Variants in ALDH4A1 observed in about 807,000 individuals in gnomAD.
ALDH4A1 encodes delta-1-pyrroline-5-carboxylate dehydrogenase, mitochondrial.
A neutral mutation model predicts 70.5 loss-of-function variants in ALDH4A1; 46 were observed. That is an observed-to-expected ratio of 0.65 (90% CI 0.51 to 0.83). ALDH4A1 has a LOEUF of 0.83. ALDH4A1 is among the 40% of genes least tolerant of loss of function. ALDH4A1 has a pLI of 0.00. For synonymous variants in ALDH4A1, 323 were observed against 324.3 expected, an observed-to-expected ratio of 1.00 and a Z score of 0.04; for missense variants, 749 against 766.5, an observed-to-expected ratio of 0.98 and a Z score of 0.27.
At chr1:18,893,804 G>A (rs985128776) in intron 1 of ALDH4A1, among the ~76,000 whole-genome samples, 22 of 152,066 alleles carry the variant, frequency 1.4e-4, no homozygotes, top group Admixed American at 4.6e-4. Flanking sequence ...GTGCCCAGCC[G>A]GTAGCTTATA....
chr1:18,877,370 C>T (rs1026927682), intron 10 of ALDH4A1, 46 bp downstream of exon 10: 17 of 1,552,868 alleles, frequency 1.1e-5, no homozygotes, highest in Admixed American at 1.9e-5. Flanking sequence ...GACCCAATCC[C>T]ATCAGCCCCC....
chr1:18,877,579 C>T lies in ALDH4A1; in HGVS notation c.974G>A (p.Arg325His), dbSNP rs1272594909. The change falls in exon 10 of 15, where the codon CGC becomes CAC. Residue 325 changes from arginine (R) to histidine (H), a missense_variant. Coordinates refer to ENST00000375341, the MANE Select transcript of ALDH4A1 (RefSeq NM_003748.4). ...CGGKNFHFVH[R>H]SADVESVVSG... ...CACCACGCTCTCCACGTCGGCCGAG[C>T]GGTGCACGAAGTGGAAGTTCTTTCC... 19 of 1,610,788 alleles carry T rather than the reference C, an allele frequency of 1.2e-5. No homozygotes were observed. Among genetic ancestry groups the T allele is most frequent in the Non-Finnish European group, 1.4e-5 (16 of 1,179,592 alleles).
chr1:18,880,432 G>A lies in ALDH4A1; in HGVS notation c.867-1059C>T, dbSNP rs1934925135. ...CTCCAGGACAGGCAATGGCCACTGTGCCTCCCTGCATCCTTCTCACCTGAA... is the reference window on the plus strand; with the variant it reads ...CTCCAGGACAGGCAATGGCCACTGTACCTCCCTGCATCCTTCTCACCTGAA... On this transcript the variant is annotated intron_variant, in intron 8 of 14. Coordinates refer to ENST00000375341, the MANE Select transcript of ALDH4A1 (RefSeq NM_003748.4). The surrounding 1 kb of genome is among the most constrained non-coding windows in gnomAD (Gnocchi z 5.1). 6.6e-6 allele frequency among the ~76,000 whole-genome samples: 1 copy of A among 151,734 alleles called. No homozygotes were observed. Among genetic ancestry groups the A allele is most frequent in the Admixed American group, 6.6e-5 (1 of 15,230 alleles).
At chr1:18,895,308 A>G (rs1935580111) in intron 1 of ALDH4A1, among the ~76,000 whole-genome samples, 2 of 152,122 alleles carry the variant, frequency 1.3e-5, no homozygotes. Flanking sequence ...TGAGCCTGAG[A>G]CCTCAAGTTG....
At chr1:18,888,332 T>C (rs1201457793) in intron 3 of ALDH4A1, among the ~76,000 whole-genome samples, 3 of 152,258 alleles carry the variant, frequency 2.0e-5, no homozygotes, top group Middle Eastern at 3.4e-3. Context: ...TGGGCCCCAG[T>C]GGACTGCAGA....
chr1:18,890,686 G>A lies in ALDH4A1; in HGVS notation c.63-581C>T, dbSNP rs553945979. On this transcript the variant is annotated intron_variant, in intron 1 of 14. Coordinates refer to ENST00000375341, the MANE Select transcript of ALDH4A1 (RefSeq NM_003748.4). ...TCTATCAAGTAAGAATAATCGCACCGAACTCACGCGGTTGTTTGAAGTTTA... is the reference window on the plus strand; with the variant it reads ...TCTATCAAGTAAGAATAATCGCACCAAACTCACGCGGTTGTTTGAAGTTTA... The A allele has an allele frequency of 2.6e-5, 26 of 985,514 alleles. No homozygotes were observed. In the Admixed American group the frequency reaches 3.7e-4, roughly 14 times the overall value. 61.0% of individuals were successfully genotyped at this position (985,514 alleles called of 1,614,324 possible). A position where few individuals can be genotyped will look rare whatever the true frequency, so the allele number is the denominator to read the frequency against.
At chr1:18,885,667 G>A in intron 4 of ALDH4A1, 39 bp from the exon 5 acceptor site, 1 of 1,613,056 alleles carries the variant, frequency 6.2e-7, no homozygotes, top group Non-Finnish European at 8.5e-7. Context: ...GCCACCTGCA[G>A]CGGGAAAGGC....
chr1:18,887,748 G>T (rs114021160), intron 3 of ALDH4A1, among the ~76,000 whole-genome samples: 1 of 152,096 alleles, frequency 6.6e-6, no homozygotes, highest in South Asian at 2.1e-4. Flanking sequence ...GCCCAGACCC[G>T]TCTCACCCAT....
In ALDH4A1 at chr1:18,877,485, C is replaced by T; in HGVS notation, c.1068G>A (p.Val356=). 1 of 1,602,018 alleles carries T rather than the reference C, an allele frequency of 6.2e-7. No homozygotes were observed. The change falls in exon 10 of 15, where the codon GTG becomes GTA. Residue 356 remains valine, a synonymous_variant. Coordinates refer to ENST00000375341, the MANE Select transcript of ALDH4A1 (RefSeq NM_003748.4). ...TGATCTGCGGCCACAGCGAGTGCGG[C>T]ACGTAGAGACGCGAGCACGCGGAAC... ...QKCSACSRLY[V]PHSLWPQIKG... is the part of the protein sequence containing the mutation.
intron 7 of ALDH4A1, chr1:18,882,782 C>A: frequency 1.7e-6 from 1 of 589,408 alleles, no homozygotes; most frequent in Admixed American, 2.0e-5. Flanking sequence ...CACCAACACT[C>A]AGCCAGCTCC....
At chr1:18,895,779 G>A (rs890303941) in intron 1 of ALDH4A1, among the ~76,000 whole-genome samples, 5 of 152,272 alleles carry the variant, frequency 3.3e-5, no homozygotes, top group South Asian at 2.1e-4. Flanking sequence ...AAGACACCTC[G>A]TCCGAGGTAC....
chr1:18,874,577 C>T lies in ALDH4A1; in HGVS notation c.1465G>A (p.Val489Ile), dbSNP rs150916561. 6.2e-5 allele frequency: 100 copies of T among 1,614,194 alleles called. No homozygotes were observed. In the African/African-American group the frequency reaches 1.1e-3, roughly 17 times the overall value. Residue 489 changes from valine to isoleucine, a missense_variant, in exon 14 of 15, where the codon GTC (valine) becomes ATC (isoleucine). Val to Ile is a conservative substitution (Grantham distance 29, BLOSUM62 3). Coordinates refer to ENST00000375341, the MANE Select transcript of ALDH4A1 (RefSeq NM_003748.4). ...AGCACCTTTGTGGCCTCCTGCACGACGTCCCTACAAAGCAGAGCAGTGGTG... is the reference window on the plus strand; with the variant it reads ...AGCACCTTTGTGGCCTCCTGCACGATGTCCCTACAAAGCAGAGCAGTGGTG... ...TGAVFSQDKD[V>I]VQEATKVLRN...
rs1276326378 is a variant in ALDH4A1, at chr1:18,876,905, G to T, written c.1185+303C>A. On this transcript the variant is annotated intron_variant, in intron 11 of 14. Transcript: ENST00000375341. ...CGTGTTTATATGGAAAGACCTACAT[G>T]TGGAGCCACACGGAGCCCTATATGA... 2.0e-5 allele frequency among the ~76,000 whole-genome samples: 3 copies of T among 152,188 alleles called. 1 individual carries two copies. The highest frequency in any genetic ancestry group is 4.4e-5 in the Non-Finnish European group (3 of 68,028).
At chr1:18,875,259 G>A in intron 13 of ALDH4A1, 123 bp downstream of exon 13, 1 of 1,511,498 alleles carries the variant, frequency 6.6e-7, no homozygotes, top group Non-Finnish European at 9.1e-7. Flanking sequence ...TCTGGGCTGA[G>A]GGGAGGGGAC....
chr1:18,892,578 C>T (rs1274934891), intron 1 of ALDH4A1, among the ~76,000 whole-genome samples: 1 of 150,894 alleles, frequency 6.6e-6, no homozygotes, highest in Non-Finnish European at 1.5e-5. Context: ...CTGAGAGGGG[C>T]CTGCGTGGTA....
rs550055481 is a variant in ALDH4A1 at position 18,881,753 on chromosome 1, G to A, written c.813C>T (p.Asp271=). The A allele has an allele frequency of 5.3e-5, 85 of 1,614,106 alleles. 2 individuals carry two copies. The South Asian group carries it at 8.7e-4, about 16-fold the overall frequency. ...FVPADGPLFG[D]TVTSSEHLCG... The stretch of plus-strand genomic sequence containing the variant: ...AGAGGTGCTCTGAGCTGGTGACAGT[G>A]TCCCCAAATAGGGGCCCATCAGCTG... Residue 271 remains aspartate, a synonymous_variant, in exon 8 of 15, where the codon GAC becomes GAT. Transcript: ENST00000375341.
chr1:18,876,989 AGCCTGG>A (rs1254249205), intron 11 of ALDH4A1, among the ~76,000 whole-genome samples: 1 of 152,188 alleles, frequency 6.6e-6, no homozygotes, highest in Non-Finnish European at 1.5e-5. Context: ...GAGCTCGCTG[AGCCTGG>A]TTCCAGGGTG....
intron 1 of ALDH4A1, among the ~76,000 whole-genome samples, chr1:18,900,017 A>G (rs1472042117): frequency 1.3e-5 from 2 of 152,230 alleles, no homozygotes; most frequent in Admixed American, 1.3e-4. Context: ...TTTTAAAAGC[A>G]TATCTATTCA....
rs370509187 is a variant in ALDH4A1 at position 18,885,534 on chromosome 1, G to A, written c.392C>T (p.Ala131Val). Residue 131 changes from alanine (A) to valine (V), a missense_variant, in exon 5 of 15, where the codon GCG becomes GTG. Ala to Val is a moderately conservative substitution (Grantham distance 64). Transcript: ENST00000375341. Reference protein sequence around the residue: ...IADRAQIFLKAADMLSGPRRA... With the variant: ...IADRAQIFLKVADMLSGPRRA... ...GCGCGGCCCACTCAGCATGTCTGCC[G>A]CCTTCAGGAAGATCTGGGCCCGGTC... The A allele has an allele frequency of 2.3e-5, 37 of 1,605,498 alleles. No homozygotes were observed. Among genetic ancestry groups the A allele is most frequent in the East Asian group, 6.7e-5 (3 of 44,542 alleles).
Sources: allele counts gnomAD v4.1 joint callset (sites outside exome capture counted in the v4.1 genomes callset), GRCh38; gene constraint gnomAD v4.1.1; non-coding constraint Gnocchi (gnomAD v3.1); transcripts MANE v1.5; gene names NCBI Gene and HGNC (gene_info 2026-07-23, HGNC 2026-07-21).